BCL7A: variants seen among roughly 807,000 people sequenced by gnomAD.
The protein encoded by BCL7A is B-cell CLL/lymphoma 7 protein family member A.
BCL7A carries 11 observed loss-of-function variants against 28.4 expected under a neutral mutation model. The observed-to-expected ratio is 0.39, with a 90% CI of 0.24 to 0.64. BCL7A has a LOEUF of 0.64. Ranked by LOEUF, BCL7A falls within the 30% of genes least tolerant of loss-of-function variation. The pLI, the probability that BCL7A is intolerant of heterozygous loss-of-function variation, is 0.50. For missense variants in BCL7A, 222 were observed against 274.8 expected (o/e 0.81, Z 1.36); for synonymous variants, 123 against 103.3 (o/e 1.19, Z -1.15).
chr12:122,025,286 C>G (rs1240885003), intron 1 of BCL7A, among the ~76,000 whole-genome samples: 1 of 150,570 alleles, frequency 6.6e-6, no homozygotes, highest in Non-Finnish European at 1.5e-5. Flanking sequence ...TTGCTTGAGC[C>G]CAGGAGTTTG....
At chr12:122,043,095 C>T (rs1323578455) in intron 3 of BCL7A, among the ~76,000 whole-genome samples, 1 of 151,916 alleles carries the variant, frequency 6.6e-6, no homozygotes, top group Non-Finnish European at 1.5e-5. Flanking sequence ...GTCTCTCTCT[C>T]CCTTTTATTT....
chr12:122,050,301 G>GT lies in BCL7A; in HGVS notation c.440-4504_440-4503insT, dbSNP rs201798388. Among the ~76,000 whole-genome samples the GT allele has an allele frequency of 5.1e-3, 633 of 123,568 alleles. 6 individuals carry two copies. The highest frequency in any genetic ancestry group is 0.016 in the African/African-American group (597 of 37,552). The allele number at this position is 123,568 out of a possible 152,430, so 81.1% of individuals were successfully genotyped here. On this transcript the variant is annotated intron_variant, in intron 4 of 5. Coordinates refer to ENST00000261822, the MANE Select transcript of BCL7A (RefSeq NM_001024808.3). ...AGTCTTGGATCCTTCTTTATTGTGG[G>GT]GGGGGGGCCATCCTGTGCATTGTGG...
chr12:122,047,186 A>AC (rs562654250), intron 4 of BCL7A, among the ~76,000 whole-genome samples: 7 of 151,734 alleles, frequency 4.6e-5, no homozygotes, highest in African/African-American at 1.7e-4. Flanking sequence ...ACAGGTGTGA[A>AC]CCACCACGCC....
rs1425382455 is a variant in BCL7A, at chr12:122,059,022, G to A, written c.562-70G>A. ...TCGGTTCCTTCCTTGGCTGACCTTC[G>A]GCCTCACGCCTGGCCTAACTTGCTC... On this transcript the variant is annotated intron_variant, in intron 5 of 5. Transcript: ENST00000261822. This position sits in a 1 kb window ranked among gnomAD's most constrained non-coding sequence, Gnocchi z 4.0. The A allele has an allele frequency of 9.4e-6, 13 of 1,377,494 alleles. No homozygotes were observed. Among genetic ancestry groups the A allele is most frequent in the South Asian group, 2.3e-5 (2 of 85,456 alleles). The allele number at this position is 1,377,494 out of a possible 1,614,324, so 85.3% of individuals were successfully genotyped here. A position where few individuals can be genotyped will look rare whatever the true frequency, so the allele number is the denominator to read the frequency against.
In BCL7A at chr12:122,056,910, GTC is replaced by G. The variant is rs1167758277; in HGVS notation, c.561+1988_561+1989del. ...TCCCCCAGAAGGGGCTCATGTCACT[GTC>G]TCTGCAAGTCCATCGCATGTCCTAC... is the stretch of plus-strand genomic sequence containing the variant. On this transcript the variant is annotated intron_variant, in intron 5 of 5. Transcript: ENST00000261822. Among the ~76,000 whole-genome samples, 13 of 152,336 alleles carry G rather than the reference GTC, an allele frequency of 8.5e-5. No individual in the cohort carries two copies. The South Asian group carries it at 2.5e-3, about 29-fold the overall frequency.
chr12:122,052,403 A>G (rs1051024892), intron 4 of BCL7A, among the ~76,000 whole-genome samples: 2 of 152,188 alleles, frequency 1.3e-5, no homozygotes, highest in Admixed American at 1.3e-4. Context: ...CACTGACAGT[A>G]CACTCACAAG....
At chr12:122,025,496 G>A (rs1196682998) in intron 1 of BCL7A, among the ~76,000 whole-genome samples, 4 of 151,624 alleles carry the variant, frequency 2.6e-5, no homozygotes, top group Non-Finnish European at 5.9e-5. Flanking sequence ...GCGTGGTGGC[G>A]GGCGCCTGTA....
chr12:122,057,325 A>G (rs999018502), intron 5 of BCL7A, among the ~76,000 whole-genome samples: 1 of 152,182 alleles, frequency 6.6e-6, no homozygotes, highest in African/African-American at 2.4e-5. Flanking sequence ...GAGGAAGAGA[A>G]TGGTCTGATG....
rs767718119 is a variant in BCL7A at position 122,059,078 on chromosome 12, C to T, written c.562-14C>T. On this transcript the variant is annotated splice_polypyrimidine_tract_variant and intron_variant, in intron 5 of 5. Coordinates refer to ENST00000261822, the MANE Select transcript of BCL7A (RefSeq NM_001024808.3). This position sits in a 1 kb window ranked among gnomAD's most constrained non-coding sequence, Gnocchi z 4.0. Reference sequence around the variant, plus strand: ...GCCCATTAACCTGTGTTCCCCTTTTCTCCTCTCCCCAAGGATTTGGAAGGA... The same window carrying T: ...GCCCATTAACCTGTGTTCCCCTTTTTTCCTCTCCCCAAGGATTTGGAAGGA... The T allele has an allele frequency of 6.3e-7, 1 of 1,596,078 alleles. No individual in the cohort carries two copies. Among genetic ancestry groups the T allele is most frequent in the Non-Finnish European group, 8.6e-7 (1 of 1,163,522 alleles).
chr12:122,023,196 G>T (rs1424644667), intron 1 of BCL7A, among the ~76,000 whole-genome samples: 2 of 152,200 alleles, frequency 1.3e-5, no homozygotes, highest in Non-Finnish European at 2.9e-5. Flanking sequence ...AGATCGCCAG[G>T]TTGGGTCAGA....
intron 4 of BCL7A, among the ~76,000 whole-genome samples, chr12:122,051,394 A>G (rs1322179566): frequency 6.6e-6 from 1 of 152,112 alleles, no homozygotes; most frequent in Non-Finnish European, 1.5e-5. Flanking sequence ...CTTGCTTTGA[A>G]CTTGTTTACT....
chr12:122,032,356 C>T (rs1014493080), intron 2 of BCL7A, among the ~76,000 whole-genome samples: 2 of 152,224 alleles, frequency 1.3e-5, no homozygotes, highest in Non-Finnish European at 2.9e-5. Context: ...GCAAGCTCCT[C>T]GAAGGCAGTT....
intron 2 of BCL7A, among the ~76,000 whole-genome samples, chr12:122,032,266 G>C (rs1479311973): frequency 6.6e-6 from 1 of 152,148 alleles, no homozygotes; most frequent in Admixed American, 6.5e-5. Context: ...TTCTAGCCTG[G>C]GCTCCCGGAA....
intron 4 of BCL7A, among the ~76,000 whole-genome samples, chr12:122,051,669 T>C (rs897620236): frequency 4.1e-4 from 62 of 152,064 alleles, no homozygotes; most frequent in Admixed American, 1.3e-4. Context: ...GCCACCTTCA[T>C]GATTTCTAAG....
At chr12:122,051,108 TTA>T (rs1188192322) in intron 4 of BCL7A, among the ~76,000 whole-genome samples, 1 of 152,166 alleles carries the variant, frequency 6.6e-6, no homozygotes, top group Non-Finnish European at 1.5e-5. Flanking sequence ...GCAGCAGGAA[TTA>T]TGTTTTGAGT....
At chr12:122,058,744 T>G (rs539409423) in intron 5 of BCL7A, among the ~76,000 whole-genome samples, 2 of 152,256 alleles carry the variant, frequency 1.3e-5, no homozygotes, top group South Asian at 4.2e-4. Flanking sequence ...ATGGGAAGAT[T>G]GATAACAGCA....
chr12:122,043,081 C>T (rs926977296), intron 3 of BCL7A, among the ~76,000 whole-genome samples: 1 of 151,822 alleles, frequency 6.6e-6, no homozygotes, highest in Non-Finnish European at 1.5e-5. Context: ...TGCCACCTCC[C>T]GCTGTCTCTC....
At chr12:122,025,893 G>A (rs1316180045) in intron 1 of BCL7A, among the ~76,000 whole-genome samples, 6 of 140,148 alleles carry the variant, frequency 4.3e-5, no homozygotes, top group African/African-American at 1.6e-4. Context: ...GTTGCAGTAA[G>A]CCGAGATCGC....
chr12:122,048,697 A>G lies in BCL7A; in HGVS notation c.439+4644A>G, dbSNP rs144808425. On this transcript the variant is annotated intron_variant, in intron 4 of 5. Transcript: ENST00000261822. ...CCAGGAGTTTGAGACCAGCCTGGGC[A>G]ACATGGTGAAATCCCATCTCTACAA... Among the ~76,000 whole-genome samples, 805 of 151,990 alleles carry G rather than the reference A, an allele frequency of 5.3e-3. 3 individuals are homozygous for G. The highest frequency in any genetic ancestry group is 0.02 in the South Asian group (96 of 4,806).
Sources: allele counts gnomAD v4.1 joint callset (sites outside exome capture counted in the v4.1 genomes callset), GRCh38; gene constraint gnomAD v4.1.1; non-coding constraint Gnocchi (gnomAD v3.1); transcripts MANE v1.5; gene names NCBI Gene and HGNC (gene_info 2026-07-23, HGNC 2026-07-21).